FRMD3: variants seen among roughly 807,000 people sequenced by gnomAD.
FRMD3 encodes FERM domain containing 3, also known as FERM domain-containing protein 3.
A neutral mutation model predicts 70.2 loss-of-function variants in FRMD3; 33 were observed. The observed-to-expected ratio is 0.47, with a 90% CI of 0.36 to 0.63. The LOEUF is 0.63. FRMD3 is among the 20% of genes least tolerant of loss of function. FRMD3 has a pLI of 0.00. For missense variants in FRMD3, 632 were observed against 711.4 expected (o/e 0.89, Z 1.27); for synonymous variants, 279 against 255.9 (o/e 1.09, Z -0.86).
intron 13 of FRMD3, among the ~76,000 whole-genome samples, chr9:83,271,834 A>C (rs1185719496): frequency 1.3e-5 from 2 of 152,176 alleles, no homozygotes; most frequent in East Asian, 3.9e-4. Flanking sequence ...TTGCAGACAA[A>C]GTATAGTTCA....
intron 10 of FRMD3, among the ~76,000 whole-genome samples, chr9:83,303,707 G>A (rs1438413994): frequency 5.3e-5 from 8 of 152,156 alleles, no homozygotes; most frequent in South Asian, 4.1e-4. Flanking sequence ...CAGCTTTGTC[G>A]AGATATAATT....
chr9:83,545,065 T>TA, the FRMD3 span, among the ~76,000 whole-genome samples: 1 of 151,736 alleles, frequency 6.6e-6, no homozygotes, highest in African/African-American at 2.4e-5. Flanking sequence ...GATAAAGAAT[T>TA]AAAAATATAG....
intron 6 of FRMD3, among the ~76,000 whole-genome samples, chr9:83,322,390 T>G (rs563833190): frequency 4.6e-5 from 7 of 151,984 alleles, no homozygotes; most frequent in African/African-American, 1.7e-4. Flanking sequence ...CGAGAAGCTG[T>G]GGAGAGTGCA....
downstream of FRMD3, among the ~76,000 whole-genome samples, chr9:83,243,825 T>C (rs370004786): frequency 1.4e-3 from 220 of 152,254 alleles, no homozygotes; most frequent in African/African-American, 4.8e-3. Context: ...TAACACCTTT[T>C]GGTTTAACTG....
chr9:83,419,447 AGAGT>A (rs1826558339), intron 1 of FRMD3, among the ~76,000 whole-genome samples: 2 of 142,524 alleles, frequency 1.4e-5, no homozygotes, highest in African/African-American at 5.5e-5. Context: ...CTGCTGTGAG[AGAGT>A]GTGTGTGTGT....
intron 13 of FRMD3, among the ~76,000 whole-genome samples, chr9:83,289,935 ATATTAT>A (rs1237780946): frequency 2.0e-5 from 3 of 152,222 alleles, no homozygotes; most frequent in Admixed American, 6.5e-5. Flanking sequence ...AGAAACACAC[ATATTAT>A]TATTATCTTT....
intron 13 of FRMD3, among the ~76,000 whole-genome samples, chr9:83,249,506 A>C (rs1344033019): frequency 1.3e-5 from 2 of 152,196 alleles, no homozygotes; most frequent in Non-Finnish European, 2.9e-5. Flanking sequence ...GGGAACCATA[A>C]ACCAGCTTTT....
intron 2 of FRMD3, among the ~76,000 whole-genome samples, chr9:83,388,936 C>A (rs565182482): frequency 4.0e-5 from 6 of 148,908 alleles, no homozygotes; most frequent in Admixed American, 2.0e-4. Context: ...CTCTTCCTAC[C>A]AATAGCTTTT....
chr9:83,487,165 A>T (rs1242156046), intron 1 of FRMD3, among the ~76,000 whole-genome samples: 2 of 152,350 alleles, frequency 1.3e-5, no homozygotes, highest in South Asian at 4.1e-4. Context: ...CCAAGTTATC[A>T]TTATCAAGAA....
At chr9:83,326,970 A>G (rs1373575646) in intron 6 of FRMD3, among the ~76,000 whole-genome samples, 1 of 152,246 alleles carries the variant, frequency 6.6e-6, no homozygotes, top group South Asian at 2.1e-4. Context: ...CTCCTTTAGC[A>G]TACCATTACA....
chr9:83,310,464 T>TA (rs763452724), intron 9 of FRMD3, 21 bp downstream of exon 9: 218 of 1,587,514 alleles, frequency 1.4e-4, no homozygotes, highest in African/African-American at 3.4e-4. Flanking sequence ...AACAGGCAGT[T>TA]AAAAAAAAGC....
At chr9:83,446,540 G>C (rs974798591) in intron 1 of FRMD3, among the ~76,000 whole-genome samples, 1 of 151,598 alleles carries the variant, frequency 6.6e-6, no homozygotes, top group Non-Finnish European at 1.5e-5. Flanking sequence ...CCAGCTACTC[G>C]GGAGGCTGAG....
chr9:83,546,973 T>A, the FRMD3 span, among the ~76,000 whole-genome samples: 67 of 146,472 alleles, frequency 4.6e-4, no homozygotes, highest in African/African-American at 1.6e-3. Context: ...AAGAAACCCA[T>A]CTAACTGGTA....
Position 83,264,026 on chromosome 9 carries a change from A to G in FRMD3, c.1196-15510T>C, listed in dbSNP as rs1236890882. Among the ~76,000 whole-genome samples the G allele has an allele frequency of 3.3e-5, 5 of 152,342 alleles. No individual in the cohort carries two copies. The South Asian group carries it at 6.2e-4, about 19-fold the overall frequency. On this transcript the variant is annotated intron_variant, in intron 13 of 13. Coordinates refer to ENST00000304195, the MANE Select transcript of FRMD3 (RefSeq NM_174938.6). ...TAATCTAAAATTTGATGCAATTTCA[A>G]TAGAAAATCCAACACACTTTCAAAA...
intron 13 of FRMD3, among the ~76,000 whole-genome samples, chr9:83,287,442 G>A (rs1467497643): frequency 6.6e-6 from 1 of 152,192 alleles, no homozygotes; most frequent in African/African-American, 2.4e-5. Context: ...CATCACCAGA[G>A]TGATACAAAA....
chr9:83,450,347 G>GTTTTTTTT (rs763340189), intron 1 of FRMD3, among the ~76,000 whole-genome samples: 42 of 111,560 alleles, frequency 3.8e-4, no homozygotes, highest in East Asian at 2.4e-3. Flanking sequence ...GTCACCCTCA[G>GTTTTTTTT]TTTTTTTTTT....
intron 13 of FRMD3, among the ~76,000 whole-genome samples, chr9:83,257,938 A>C (rs772527424): frequency 6.6e-6 from 1 of 151,982 alleles, no homozygotes; most frequent in Admixed American, 6.5e-5. Flanking sequence ...ATGTTAACTA[A>C]TATTACCTTT....
At chr9:83,279,610 A>G (rs528044549) in intron 13 of FRMD3, 1 of 152,330 alleles carries the variant, frequency 6.6e-6, no homozygotes, top group East Asian at 1.9e-4. Context: ...ATGGAATACT[A>G]TGCAGCCATA....
At position 83,309,429 on chromosome 9, in the gene FRMD3, A is replaced by G. The variant is rs891101252; in HGVS notation, c.926+107T>C. On this transcript the variant is annotated intron_variant, in intron 10 of 13. Coordinates refer to ENST00000304195, the MANE Select transcript of FRMD3 (RefSeq NM_174938.6). Reference sequence around the variant, plus strand: ...CAAAATTTTAATTTACTTAAATATAACTTTTAAAACTGTATTAAAAGAAAT... The same window carrying G: ...CAAAATTTTAATTTACTTAAATATAGCTTTTAAAACTGTATTAAAAGAAAT... The G allele has an allele frequency of 4.6e-6, 3 of 651,946 alleles. No homozygotes were observed. In the African/African-American group the frequency reaches 5.5e-5, roughly 12 times the overall value. The allele number at this position is 651,946 out of a possible 1,614,324, so 40.4% of individuals were successfully genotyped here. A position where few individuals can be genotyped will look rare whatever the true frequency, so the allele number is the denominator to read the frequency against.
Sources: allele counts gnomAD v4.1 joint callset (sites outside exome capture counted in the v4.1 genomes callset), GRCh38; gene constraint gnomAD v4.1.1; transcripts MANE v1.5; gene names NCBI Gene and HGNC (gene_info 2026-07-23, HGNC 2026-07-21).